The following FRMD6 variants were observed in gnomAD, a reference collection of about 807,000 sequenced individuals.
FRMD6 encodes the protein FERM domain-containing protein 6.
In FRMD6, 37 loss-of-function variants were observed where a neutral mutation model predicts 73.2. The observed-to-expected ratio is 0.51, with a 90% CI of 0.39 to 0.66. The LOEUF is 0.66. Among genes scored for constraint, FRMD6 ranks in the 30% least tolerant of loss-of-function variants. The pLI is 0.00. For missense variants in FRMD6, 714 were observed against 780.5 expected, an observed-to-expected ratio of 0.91 and a Z score of 1.02; for synonymous variants, 273 against 282.2, an observed-to-expected ratio of 0.97 and a Z score of 0.33.
At chr14:51,436,889 G>A in the FRMD6 span, 2 of 929,820 alleles carry the variant, frequency 2.2e-6, no homozygotes, top group Non-Finnish European at 3.2e-6. Context: ...TGAAGAAGGG[G>A]ATGAGGATGA....
the FRMD6 span, among the ~76,000 whole-genome samples, chr14:51,468,328 A>T: frequency 7.7e-5 from 3 of 38,820 alleles, no homozygotes; most frequent in Non-Finnish European, 1.6e-4. Flanking sequence ...GGAGAGGGGG[A>T]GGGGGAGGGA....
the FRMD6 span, among the ~76,000 whole-genome samples, chr14:51,426,362 C>T: frequency 1.3e-5 from 2 of 152,066 alleles, no homozygotes; most frequent in African/African-American, 2.4e-5. Context: ...TGTGTCCTTC[C>T]CATCCACCTG....
intron 2 of FRMD6, among the ~76,000 whole-genome samples, chr14:51,639,298 C>T (rs944268342): frequency 6.6e-6 from 1 of 151,788 alleles, no homozygotes. Flanking sequence ...AGCCGGGCGT[C>T]GTGGCAGGCG....
chr14:51,700,473 A>G (rs1024266666), intron 3 of FRMD6, among the ~76,000 whole-genome samples: 3 of 152,000 alleles, frequency 2.0e-5, no homozygotes, highest in African/African-American at 7.2e-5. Flanking sequence ...AATTGATCCC[A>G]AAGGCAGTGC....
intron 11 of FRMD6, among the ~76,000 whole-genome samples, chr14:51,721,503 G>T (rs1408229986): frequency 2.0e-5 from 3 of 152,116 alleles, no homozygotes; most frequent in African/African-American, 4.8e-5. Context: ...CCAGCTACTC[G>T]GGAGGCTGAG....
chr14:51,647,497 C>A (rs960714305), upstream of FRMD6, among the ~76,000 whole-genome samples: 8 of 152,154 alleles, frequency 5.3e-5, no homozygotes, highest in African/African-American at 1.7e-4. Context: ...TAACACTAAA[C>A]TATTTAAGTT....
In FRMD6 at chr14:51,512,428, C is replaced by T. The variant is rs78508115; in HGVS notation, c.-210+23008C>T. Among the ~76,000 whole-genome samples, 31 of 150,796 alleles carry T rather than the reference C, an allele frequency of 2.1e-4. No individual in the cohort carries two copies. In the East Asian group the frequency reaches 4.7e-3, roughly 23 times the overall value. On this transcript the variant is annotated intron_variant, in intron 1 of 14. Transcript: ENST00000356218. ...AGATGCTAAGCTTGTCACCCTAGTG[C>T]AGAGTGATGGTGTATTTTGGATTGC...
At chr14:51,719,845 A>G (rs1338448012) in intron 10 of FRMD6, among the ~76,000 whole-genome samples, 2 of 152,198 alleles carry the variant, frequency 1.3e-5, no homozygotes, top group Non-Finnish European at 2.9e-5. Context: ...TCAAAAAACT[A>G]AGTAGTTTAA....
At chr14:51,469,549 C>T in the FRMD6 span, among the ~76,000 whole-genome samples, 1 of 143,594 alleles carries the variant, frequency 7.0e-6, no homozygotes, top group Non-Finnish European at 1.5e-5. Context: ...GGAGGCGGAG[C>T]TTGCAGTGAG....
chr14:51,598,515 A>G (rs1889845019), intron 2 of FRMD6, among the ~76,000 whole-genome samples: 1 of 152,194 alleles, frequency 6.6e-6, no homozygotes, highest in Non-Finnish European at 1.5e-5. Flanking sequence ...TCACCCAGGT[A>G]GTGAGCACAG....
intron 2 of FRMD6, among the ~76,000 whole-genome samples, chr14:51,609,735 C>T (rs897180556): frequency 2.6e-5 from 4 of 152,014 alleles, no homozygotes; most frequent in Admixed American, 6.6e-5. Flanking sequence ...GGCTCAAGAG[C>T]GGTTGGTTAG....
chr14:51,470,831 T>G, the FRMD6 span, among the ~76,000 whole-genome samples: 2 of 152,222 alleles, frequency 1.3e-5, no homozygotes, highest in Admixed American at 6.5e-5. Flanking sequence ...TGTTATTGAT[T>G]TCTCATTTAA....
intron 1 of FRMD6, among the ~76,000 whole-genome samples, chr14:51,552,294 C>T (rs955002537): frequency 7.2e-5 from 11 of 152,318 alleles, no homozygotes; most frequent in African/African-American, 1.9e-4. Context: ...AGTGATTTAG[C>T]GTTGAATCCT....
At chr14:51,490,826 C>A (rs1882961595) in intron 1 of FRMD6, among the ~76,000 whole-genome samples, 2 of 152,098 alleles carry the variant, frequency 1.3e-5, no homozygotes, top group South Asian at 4.1e-4. Flanking sequence ...GAATGACACC[C>A]TGTTGAAAAT....
chr14:51,634,385 A>G (rs1433970568), intron 2 of FRMD6, among the ~76,000 whole-genome samples: 1 of 152,220 alleles, frequency 6.6e-6, no homozygotes, highest in African/African-American at 2.4e-5. Context: ...CATGCAATAC[A>G]TGTCTGCGTG....
chr14:51,514,342 G>A lies in FRMD6; in HGVS notation c.-210+24922G>A, dbSNP rs540898765. Among the ~76,000 whole-genome samples, 385 of 149,056 alleles carry A rather than the reference G, an allele frequency of 2.6e-3. 2 individuals carry two copies. Among genetic ancestry groups the A allele is most frequent in the African/African-American group, 9.1e-3 (366 of 40,116 alleles). ...AGGGGAACATCACACACTAGGGCCT[G>A]TTGGGGGTTAGGGGGCAAGGGGAGG... is the stretch of plus-strand genomic sequence containing the variant. On this transcript the variant is annotated intron_variant, in intron 1 of 14. Transcript: ENST00000356218.
chr14:51,552,186 A>G (rs759520817), intron 1 of FRMD6, among the ~76,000 whole-genome samples: 57 of 152,262 alleles, frequency 3.7e-4, no homozygotes, highest in Admixed American at 6.5e-4. Context: ...AAAAGTTCAC[A>G]TGGAAAAAAA....
the FRMD6 span, among the ~76,000 whole-genome samples, chr14:51,465,055 C>T: frequency 2.6e-5 from 4 of 152,010 alleles, no homozygotes; most frequent in South Asian, 8.3e-4. Flanking sequence ...AAGAATGGCT[C>T]TTAATATCAA....
chr14:51,707,277 G>A (rs1325754511), intron 6 of FRMD6, among the ~76,000 whole-genome samples: 1 of 152,042 alleles, frequency 6.6e-6, no homozygotes, highest in Non-Finnish European at 1.5e-5. Flanking sequence ...GAAACAAAAT[G>A]TCAATATAAA....
Sources: gnomAD v4.1 joint callset for allele counts (sites outside exome capture counted in the v4.1 genomes callset) on GRCh38, gnomAD v4.1.1 for gene constraint, MANE v1.5 for transcripts, NCBI Gene and HGNC (gene_info 2026-07-23, HGNC 2026-07-21) for gene names.